The following ZNF737 variants were observed in gnomAD, a reference collection of about 807,000 sequenced individuals.
The protein encoded by ZNF737 is zinc finger protein 737, also known as zinc finger protein 102 (Y3).
A neutral mutation model predicts 11.7 loss-of-function variants in ZNF737; 13 were observed. The observed-to-expected ratio is 1.11, with a 90% CI of 0.73 to 1.77. The LOEUF is 1.77. ZNF737 is among the 40% of genes most tolerant of loss of function. The probability of loss-of-function intolerance (pLI) is 0.00; values close to 1 mark genes in which losing one functional copy is unlikely to be tolerated. For synonymous variants in ZNF737, 217 were observed against 216.2 expected (o/e 1.00, Z -0.03); for missense variants, 636 against 638.0 (o/e 1.00, Z 0.03).
downstream of ZNF737, among the ~76,000 whole-genome samples, chr19:20,533,932 A>G (rs1473607491): frequency 6.7e-6 from 1 of 150,034 alleles, no homozygotes; most frequent in Admixed American, 6.6e-5. Context: ...TGGTGGTTCA[A>G]AATCACCTGT....
intron 1 of ZNF737, among the ~76,000 whole-genome samples, chr19:20,557,018 A>G (rs1254703827): frequency 2.0e-5 from 3 of 152,218 alleles, no homozygotes; most frequent in African/African-American, 7.2e-5. Flanking sequence ...TACAGAATAA[A>G]AGCTAAATAT....
chr19:20,561,099 A>C (rs2144696963), intron 1 of ZNF737, among the ~76,000 whole-genome samples: 1 of 152,318 alleles, frequency 6.6e-6, no homozygotes, highest in African/African-American at 2.4e-5. Context: ...GAGAGATTGC[A>C]ATGTAGGTGA....
rs1599397700 is a variant in ZNF737, at chr19:20,540,733, TG to T, written c.*3858del. 1.2e-6 allele frequency: 1 copy of T among 820,450 alleles called. No homozygotes were observed. The allele number at this position is 820,450 out of a possible 1,614,324, so 50.8% of individuals were successfully genotyped here. A position where few individuals can be genotyped will look rare whatever the true frequency, so the allele number is the denominator to read the frequency against. On this transcript the variant is annotated 3_prime_UTR_variant, in exon 4 of 4. Transcript: ENST00000427401. ...GAGATCACGCCACTGCTCTCCAGCC[TG>T]GAAGACAGAGCAACACTCCATCATG...
In ZNF737 at chr19:20,543,173, T is replaced by C. The variant is rs7250879; in HGVS notation, c.*1419A>G. On this transcript the variant is annotated 3_prime_UTR_variant, in exon 4 of 4. Transcript: ENST00000427401. ...TGCAAAATTATATTTTAGCATAAAC[T>C]CTCTGTTGTTTTCTAAGCTGTAGTT... is the stretch of plus-strand genomic sequence containing the variant. 0.054 allele frequency: 52,688 copies of C among 970,652 alleles called. 1,594 individuals carry two copies. Among genetic ancestry groups the C allele is most frequent in the Middle Eastern group, 0.13 (244 of 1,884 alleles). The allele number at this position is 970,652 out of a possible 1,614,324, so 60.1% of individuals were successfully genotyped here. A position where few individuals can be genotyped will look rare whatever the true frequency, so the allele number is the denominator to read the frequency against.
In ZNF737 at chr19:20,545,197, T is replaced by C; in HGVS notation, c.1006A>G (p.Thr336Ala). ...TCACATTTGTAGGGTTTCTCTCCAG[T>C]ATGAATTCTTTTATGTGTAGTAAGG... ...SVLTTHKRIHTGEKPYKCEEC... is the reference protein window; with the variant it reads ...SVLTTHKRIHAGEKPYKCEEC... The change falls in exon 4 of 4, where the codon ACT (threonine) becomes GCT (alanine). Residue 336 changes from threonine (T) to alanine (A), a missense_variant. By Grantham distance (58) the Thr-to-Ala change is moderately conservative (BLOSUM62 0). Transcript: ENST00000427401. The C allele has an allele frequency of 1.9e-6, 3 of 1,613,926 alleles. No individual in the cohort carries two copies. The highest frequency in any genetic ancestry group is 2.5e-6 in the Non-Finnish European group (3 of 1,179,978).
chr19:20,542,160 G>GTTCATTAAAC lies in ZNF737; in HGVS notation c.*2431_*2432insGTTTAATGAA. 1.0e-6 allele frequency: 1 copy of GTTCATTAAAC among 984,778 alleles called. No homozygotes were observed. The highest frequency in any genetic ancestry group is 1.7e-5 in the African/African-American group (1 of 57,210). 61.0% of individuals were successfully genotyped at this position (984,778 alleles called of 1,614,324 possible). On this transcript the variant is annotated 3_prime_UTR_variant, in exon 4 of 4. Coordinates refer to ENST00000427401, the MANE Select transcript of ZNF737 (RefSeq NM_001159293.2). The stretch of plus-strand genomic sequence containing the variant: ...GGGATACAGTTAGTGGCACAATAAT[G>GTTCATTAAAC]GTTCATTAAACGCACGGTAGTCTTA...
At chr19:20,530,462 C>G in the ZNF737 span, among the ~76,000 whole-genome samples, 1 of 149,404 alleles carries the variant, frequency 6.7e-6, no homozygotes, top group Non-Finnish European at 1.5e-5. Context: ...ACGCTCCTCA[C>G]TTCCCAGATG....
In ZNF737 at chr19:20,545,786, AG is replaced by A; in HGVS notation, c.416del (p.Thr139IlefsTer13). 6.2e-7 allele frequency: 1 copy of A among 1,613,022 alleles called. No homozygotes were observed. Among genetic ancestry groups the A allele is most frequent in the Non-Finnish European group, 8.5e-7 (1 of 1,179,616 alleles). ...CACACTGAAATATTTTGCTTTGAGT[AG>A]TTGTCAAATATTGGTTAAGTCCATT... ...GYNGLNQYLT[T>X]TQSKIFQCDK... On this transcript the variant is annotated frameshift_variant, in exon 4 of 4. Transcript: ENST00000427401. LOFTEE classifies it low-confidence loss of function (END_TRUNC).
At chr19:20,561,191 T>C (rs566992551) in intron 1 of ZNF737, among the ~76,000 whole-genome samples, 1 of 152,264 alleles carries the variant, frequency 6.6e-6, no homozygotes, top group East Asian at 1.9e-4. Flanking sequence ...ACATATGAGA[T>C]TATGAACAGC....
At chr19:20,550,090 A>C (rs1180783128) in intron 3 of ZNF737, among the ~76,000 whole-genome samples, 3 of 152,182 alleles carry the variant, frequency 2.0e-5, no homozygotes, top group Non-Finnish European at 2.9e-5. Flanking sequence ...TGAGAAAATA[A>C]ATTAGCATTT....
At chr19:20,533,230 AT>A (rs1967872294), downstream of ZNF737, among the ~76,000 whole-genome samples, 2 of 150,140 alleles carry the variant, frequency 1.3e-5, no homozygotes, top group Admixed American at 1.3e-4. Flanking sequence ...CAGGATGTAT[AT>A]CAGAGCATTC....
Position 20,541,204 on chromosome 19 carries a change from AAT to A in ZNF737, c.*3386_*3387del. 1.0e-6 allele frequency: 1 copy of A among 983,228 alleles called. No individual in the cohort carries two copies. The highest frequency in any genetic ancestry group is 1.2e-6 in the Non-Finnish European group (1 of 828,042). 60.9% of individuals were successfully genotyped at this position (983,228 alleles called of 1,614,324 possible). ...GTTTTGTTAATCACCTAAATAACAT[AAT>A]TTGTTTTGTTGCAGTAATTGCTTTT... On this transcript the variant is annotated 3_prime_UTR_variant, in exon 4 of 4. Coordinates refer to ENST00000427401, the MANE Select transcript of ZNF737 (RefSeq NM_001159293.2).
At position 20,551,632 on chromosome 19, in the gene ZNF737, C is replaced by A. The variant is rs184941266; in HGVS notation, c.226+843G>T. On this transcript the variant is annotated intron_variant, in intron 3 of 3. Coordinates refer to ENST00000427401, the MANE Select transcript of ZNF737 (RefSeq NM_001159293.2). ...ACACAAGTACATGTATTGTTTCATA[C>A]GCTTAAAACAAACTATCTGATAAAA... Among the ~76,000 whole-genome samples, 27 of 151,580 alleles carry A rather than the reference C, an allele frequency of 1.8e-4. 1 individual carries two copies. Among genetic ancestry groups the A allele is most frequent in the Admixed American group, 5.3e-4 (8 of 15,192 alleles).
chr19:20,562,723 G>C (rs1969144095), intron 1 of ZNF737, among the ~76,000 whole-genome samples: 1 of 151,994 alleles, frequency 6.6e-6, no homozygotes, highest in Non-Finnish European at 1.5e-5. Context: ...CCAAAGTGCT[G>C]GGTTTACAGG....
intron 3 of ZNF737, among the ~76,000 whole-genome samples, chr19:20,548,129 G>A (rs112639870): frequency 1.3e-4 from 19 of 151,624 alleles, no homozygotes; most frequent in Admixed American, 3.3e-4. Context: ...GCAACAGAGT[G>A]AGACTCCATC....
chr19:20,543,568 C>T lies in ZNF737; in HGVS notation c.*1024G>A. On this transcript the variant is annotated 3_prime_UTR_variant, in exon 4 of 4. Transcript: ENST00000427401. ...ATTTTTCTCAAGGATACTAGCTTTTCTGTGAGATAAGGTGTAAGAACTGAT... is the reference window on the plus strand; with the variant it reads ...ATTTTTCTCAAGGATACTAGCTTTTTTGTGAGATAAGGTGTAAGAACTGAT... The T allele has an allele frequency of 4.1e-6, 4 of 985,366 alleles. No individual in the cohort carries two copies. Among genetic ancestry groups the T allele is most frequent in the Non-Finnish European group, 4.8e-6 (4 of 829,912 alleles). The allele number at this position is 985,366 out of a possible 1,614,324, so 61.0% of individuals were successfully genotyped here.
intron 3 of ZNF737, among the ~76,000 whole-genome samples, chr19:20,549,531 G>GGCAGAAGAATCACTT (rs1294858298): frequency 6.6e-6 from 1 of 151,892 alleles, no homozygotes; most frequent in African/African-American, 2.4e-5. Context: ...AGGAGGTCAA[G>GGCAGAAGAATCACTT]GCAGAAGAAT....
downstream of ZNF737, among the ~76,000 whole-genome samples, chr19:20,532,047 T>A (rs1224540494): frequency 2.0e-5 from 3 of 150,192 alleles, no homozygotes; most frequent in Non-Finnish European, 4.4e-5. Flanking sequence ...CAAAGCTCTA[T>A]CTTCAAAGGC....
chr19:20,556,007 TA>T (rs774330943), intron 1 of ZNF737, among the ~76,000 whole-genome samples: 5 of 152,088 alleles, frequency 3.3e-5, no homozygotes, highest in Admixed American at 1.3e-4. Context: ...TTCTGTCCTT[TA>T]AAACAGAAGA....
Sources: allele counts gnomAD v4.1 joint callset (sites outside exome capture counted in the v4.1 genomes callset), GRCh38; gene constraint gnomAD v4.1.1; transcripts MANE v1.5; gene names NCBI Gene and HGNC (gene_info 2026-07-23, HGNC 2026-07-21).